Variants in RIMS2 observed in about 807,000 individuals in gnomAD.
The protein encoded by RIMS2 is regulating synaptic membrane exocytosis 2.
RIMS2 carries 59 observed loss-of-function variants against 174.4 expected under a neutral mutation model. The ratio of observed to expected loss-of-function variants is 0.34; its 90% CI spans 0.27 to 0.42. The LOEUF (loss-of-function observed/expected upper bound fraction) is 0.42. Ranked by LOEUF, RIMS2 falls within the 10% of genes least tolerant of loss-of-function variation. RIMS2 has a pLI of 1.00. For synonymous variants in RIMS2, 606 were observed against 572.5 expected, an observed-to-expected ratio of 1.06 and a Z score of -0.84; for missense variants, 1,620 against 1,666.3, an observed-to-expected ratio of 0.97 and a Z score of 0.48.
Position 104,250,605 on chromosome 8 carries a change from C to A in RIMS2, c.3692-419C>A, listed in dbSNP as rs537121854. Among the ~76,000 whole-genome samples the A allele has an allele frequency of 5.6e-5, 4 of 71,114 alleles. No individual in the cohort carries two copies. The South Asian group carries it at 1.0e-3, about 18-fold the overall frequency. 46.7% of individuals were successfully genotyped at this position (71,114 alleles called of 152,430 possible). A position where few individuals can be genotyped will look rare whatever the true frequency, so the allele number is the denominator to read the frequency against. On this transcript the variant is annotated intron_variant, in intron 22 of 23. Transcript: ENST00000504942. The stretch of plus-strand genomic sequence containing the variant: ...AAATTCCACTACTGTTATACCCACA[C>A]CACCACCAGTAAGTAAGTACTTTTG...
rs199704693 is a variant in RIMS2 at position 103,759,584 on chromosome 8, A to G, written c.388-6643A>G. Among the ~76,000 whole-genome samples, 203 of 150,908 alleles carry G rather than the reference A, an allele frequency of 1.3e-3. No homozygotes were observed. In the East Asian group the frequency reaches 0.015, roughly 11 times the overall value. On this transcript the variant is annotated intron_variant, in intron 2 of 23. Transcript: ENST00000504942. ...CGTCTCAAAAAAAAAAAAAAAAAAA[A>G]AAAAGAAAAGAAAAAAGAAAGGCCA...
intron 3 of RIMS2, among the ~76,000 whole-genome samples, chr8:103,778,066 T>C (rs2098338032): frequency 6.6e-6 from 1 of 152,078 alleles, no homozygotes; most frequent in African/African-American, 2.4e-5. Flanking sequence ...TTGTTACTTT[T>C]CTTCATAGGT....
intron 1 of RIMS2, among the ~76,000 whole-genome samples, chr8:103,519,179 T>C (rs1442302652): frequency 1.3e-5 from 2 of 152,126 alleles, no homozygotes; most frequent in Non-Finnish European, 2.9e-5. Context: ...ATTCAGTGAA[T>C]TTATATGTCA....
At chr8:103,987,745 T>G (rs1438194901) in intron 16 of RIMS2, among the ~76,000 whole-genome samples, 2 of 152,158 alleles carry the variant, frequency 1.3e-5, no homozygotes, top group Non-Finnish European at 2.9e-5. Context: ...AACCAAAATA[T>G]TAAAACTAAT....
At position 103,803,154 on chromosome 8, in the gene RIMS2, G is replaced by T. The variant is rs543539384; in HGVS notation, c.698+36617G>T. On this transcript the variant is annotated intron_variant, in intron 3 of 23. Coordinates refer to ENST00000504942, the Ensembl canonical transcript of RIMS2. ...CATGGAATTCTCTGAAATACAGTAT[G>T]AGATTGGGTGGGGAATAAAGTTTTA... Among the ~76,000 whole-genome samples, 84 of 152,238 alleles carry T rather than the reference G, an allele frequency of 5.5e-4. 1 individual carries two copies. Among genetic ancestry groups the T allele is most frequent in the African/African-American group, 2.0e-3 (82 of 41,572 alleles).
chr8:104,102,387 A>C (rs1031365520), intron 19 of RIMS2, among the ~76,000 whole-genome samples: 1 of 152,156 alleles, frequency 6.6e-6, no homozygotes, highest in African/African-American at 2.4e-5. Context: ...TCCATTCACC[A>C]AGTCTTGTTG....
chr8:103,576,413 G>A (rs185088204), intron 1 of RIMS2, among the ~76,000 whole-genome samples: 1 of 152,174 alleles, frequency 6.6e-6, no homozygotes, highest in Admixed American at 6.6e-5. Flanking sequence ...ATCCTTGAAT[G>A]CAAAGATGTA....
intron 11 of RIMS2, among the ~76,000 whole-genome samples, chr8:103,928,155 T>A (rs1167799648): frequency 6.6e-6 from 1 of 151,612 alleles, no homozygotes; most frequent in Non-Finnish European, 1.5e-5. Flanking sequence ...GCATTTAATG[T>A]AGATTTAATG....
chr8:104,118,370 G>T (rs868845341), intron 19 of RIMS2, among the ~76,000 whole-genome samples: 210 of 136,478 alleles, frequency 1.5e-3, no homozygotes, highest in Middle Eastern at 0.011. Context: ...TTGTTTTTTT[G>T]TTTTTTTTTT....
intron 3 of RIMS2, among the ~76,000 whole-genome samples, chr8:103,822,764 CTTTAG>C (rs777699369): frequency 2.0e-4 from 31 of 151,976 alleles, no homozygotes; most frequent in South Asian, 8.3e-4. Flanking sequence ...TGAAATGCCA[CTTTAG>C]TTTAATTTTT....
At chr8:103,753,625 G>C (rs146008412) in intron 2 of RIMS2, among the ~76,000 whole-genome samples, 340 of 152,060 alleles carry the variant, frequency 2.2e-3, no homozygotes, top group African/African-American at 7.9e-3. Context: ...TGGTCTATTC[G>C]GAGATTCACC....
At chr8:104,078,978 C>T (rs1000651038) in intron 19 of RIMS2, among the ~76,000 whole-genome samples, 7 of 152,004 alleles carry the variant, frequency 4.6e-5, no homozygotes, top group African/African-American at 1.7e-4. Flanking sequence ...GGTCCCTTTC[C>T]TTTAGATGTA....
intron 13 of RIMS2, among the ~76,000 whole-genome samples, chr8:103,940,875 C>G (rs1461300852): frequency 1.1e-5 from 1 of 92,922 alleles, no homozygotes; most frequent in Non-Finnish European, 2.1e-5. Context: ...GACTCCATCT[C>G]AAAAAAAAAA....
At chr8:103,589,249 C>T (rs1002380278) in intron 1 of RIMS2, among the ~76,000 whole-genome samples, 5 of 151,518 alleles carry the variant, frequency 3.3e-5, no homozygotes, top group Non-Finnish European at 7.4e-5. Context: ...ATCTAATAAT[C>T]CATTTAAAAA....
At chr8:104,077,849 A>G (rs1295276468) in intron 19 of RIMS2, among the ~76,000 whole-genome samples, 4 of 151,402 alleles carry the variant, frequency 2.6e-5, no homozygotes, top group Non-Finnish European at 5.9e-5. Flanking sequence ...CTACAGTTAA[A>G]AACTTGGTGG....
chr8:103,778,868 A>G (rs2098350621), intron 3 of RIMS2, among the ~76,000 whole-genome samples: 1 of 152,150 alleles, frequency 6.6e-6, no homozygotes, highest in South Asian at 2.1e-4. Flanking sequence ...TGTCCCCACC[A>G]AGTGTATGAG....
At chr8:103,871,373 G>A (rs183909050) in intron 3 of RIMS2, among the ~76,000 whole-genome samples, 1 of 152,268 alleles carries the variant, frequency 6.6e-6, no homozygotes, top group African/African-American at 2.4e-5. Flanking sequence ...CAGCCTGAGT[G>A]ACAGAGCAAG....
At chr8:103,609,447 T>C (rs2134119098) in intron 1 of RIMS2, among the ~76,000 whole-genome samples, 1 of 149,682 alleles carries the variant, frequency 6.7e-6, no homozygotes, top group South Asian at 2.1e-4. Flanking sequence ...ATATTAAGAA[T>C]GGTCTTTCCT....
intron 19 of RIMS2, among the ~76,000 whole-genome samples, chr8:104,212,401 C>A (rs2511556): frequency 6.6e-6 from 1 of 151,814 alleles, no homozygotes; most frequent in East Asian, 1.9e-4. Context: ...AGAAAACTTA[C>A]AAGAATGTAA....
Sources: gnomAD v4.1 joint callset for allele counts (sites outside exome capture counted in the v4.1 genomes callset) on GRCh38, gnomAD v4.1.1 for gene constraint, MANE v1.5 for transcripts, NCBI Gene and HGNC (gene_info 2026-07-23, HGNC 2026-07-21) for gene names.